Variants in DLG2 observed in about 807,000 individuals in gnomAD.
DLG2 encodes the protein disks large homolog 2.
A neutral mutation model predicts 132.5 loss-of-function variants in DLG2; 45 were observed. The observed-to-expected ratio is 0.34, with a 90% confidence interval of 0.27 to 0.44. DLG2 has a LOEUF of 0.44. Ranked by LOEUF, DLG2 falls within the 20% of genes least tolerant of loss-of-function variation. The pLI, the probability that DLG2 is intolerant of heterozygous loss-of-function variation, is 1.00. For synonymous variants in DLG2, 424 were observed against 419.6 expected, an observed-to-expected ratio of 1.01 and a Z score of -0.13; for missense variants, 1,045 against 1,196.9, an observed-to-expected ratio of 0.87 and a Z score of 1.87.
chr11:84,467,427 A>G (rs2099097400), intron 7 of DLG2, among the ~76,000 whole-genome samples: 1 of 151,466 alleles, frequency 6.6e-6, no homozygotes, highest in South Asian at 2.1e-4. Flanking sequence ...GAATTAGAAG[A>G]AGCAAGCTAG....
chr11:83,554,779 A>G (rs1451119791), intron 19 of DLG2, among the ~76,000 whole-genome samples: 1 of 152,192 alleles, frequency 6.6e-6, no homozygotes, highest in Non-Finnish European at 1.5e-5. Flanking sequence ...CCAGTTGGTA[A>G]AGCAATCAGA....
intron 18 of DLG2, among the ~76,000 whole-genome samples, chr11:83,752,069 C>A (rs1467501025): frequency 3.9e-5 from 6 of 152,084 alleles, no homozygotes. Context: ...GAGATCGAGA[C>A]CATCCTGGCT....
intron 6 of DLG2, among the ~76,000 whole-genome samples, chr11:84,575,395 C>T (rs1221519531): frequency 6.6e-6 from 1 of 152,092 alleles, no homozygotes; most frequent in Non-Finnish European, 1.5e-5. Context: ...TAGTTACCTC[C>T]TATTTATCAA....
At chr11:84,351,912 G>T (rs1028171478) in intron 7 of DLG2, among the ~76,000 whole-genome samples, 2 of 152,176 alleles carry the variant, frequency 1.3e-5, no homozygotes, top group African/African-American at 4.8e-5. Context: ...AAGAATGACA[G>T]CTCTTGGCCA....
At chr11:83,795,020 C>T (rs927704839) in intron 17 of DLG2, among the ~76,000 whole-genome samples, 1 of 152,108 alleles carries the variant, frequency 6.6e-6, no homozygotes, top group East Asian at 1.9e-4. Flanking sequence ...ATGATTAGAT[C>T]ATGTAGGGCT....
At chr11:84,433,253 A>G (rs544867038) in intron 7 of DLG2, among the ~76,000 whole-genome samples, 30 of 152,328 alleles carry the variant, frequency 2.0e-4, no homozygotes, top group Admixed American at 7.2e-4. Flanking sequence ...TAAGCAATAT[A>G]TTGCTGACGG....
At chr11:84,022,667 G>T (rs1295032356) in intron 11 of DLG2, among the ~76,000 whole-genome samples, 2 of 152,148 alleles carry the variant, frequency 1.3e-5, no homozygotes, top group African/African-American at 2.4e-5. Context: ...TGAAAGAACG[G>T]TTCTTTTTGA....
At chr11:85,059,861 T>C (rs2063857010) in intron 6 of DLG2, among the ~76,000 whole-genome samples, 1 of 151,736 alleles carries the variant, frequency 6.6e-6, no homozygotes, top group African/African-American at 2.4e-5. Flanking sequence ...TGTGAGCTTT[T>C]CTGCATTGAT....
chr11:85,534,141 C>T (rs1382759653), intron 3 of DLG2, among the ~76,000 whole-genome samples: 1 of 152,008 alleles, frequency 6.6e-6, no homozygotes, highest in Non-Finnish European at 1.5e-5. Context: ...GCAGGCGCAA[C>T]CATGCCTGGC....
At chr11:84,623,460 C>T (rs2099617249) in intron 6 of DLG2, among the ~76,000 whole-genome samples, 1 of 152,024 alleles carries the variant, frequency 6.6e-6, no homozygotes, top group African/African-American at 2.4e-5. Context: ...CACTTTATAG[C>T]TTATGGATCA....
intron 3 of DLG2, among the ~76,000 whole-genome samples, chr11:85,315,238 C>A (rs2080579205): frequency 6.6e-6 from 1 of 152,008 alleles, no homozygotes; most frequent in South Asian, 2.1e-4. Flanking sequence ...CAAGAAGTGT[C>A]CCAGGCTAGC....
intron 3 of DLG2, among the ~76,000 whole-genome samples, chr11:85,488,059 T>G (rs1206334613): frequency 6.6e-6 from 1 of 152,208 alleles, no homozygotes; most frequent in African/African-American, 2.4e-5. Context: ...TTTTTGCTTT[T>G]GCATCTTCCT....
chr11:84,786,403 T>C (rs1170668355), intron 6 of DLG2, among the ~76,000 whole-genome samples: 3 of 152,174 alleles, frequency 2.0e-5, no homozygotes, highest in Admixed American at 1.3e-4. Context: ...TAAGAAAACG[T>C]AGAAATTCTG....
At chr11:83,539,943 C>T (rs1282480573) in intron 20 of DLG2, among the ~76,000 whole-genome samples, 1 of 152,142 alleles carries the variant, frequency 6.6e-6, no homozygotes. Flanking sequence ...AATCATAGAA[C>T]CTCAGGGTTG....
intron 7 of DLG2, among the ~76,000 whole-genome samples, chr11:84,401,201 C>G (rs1321198872): frequency 6.6e-6 from 1 of 152,104 alleles, no homozygotes; most frequent in Non-Finnish European, 1.5e-5. Context: ...CCAGCTTCCC[C>G]CATAGAAGAT....
At chr11:85,573,083 A>G (rs1053498894) in intron 3 of DLG2, among the ~76,000 whole-genome samples, 1 of 152,158 alleles carries the variant, frequency 6.6e-6, no homozygotes, top group Non-Finnish European at 1.5e-5. Flanking sequence ...GCCATGTGAC[A>G]TGCCTGGTCC....
At chr11:85,499,126 C>A (rs2093735338) in intron 3 of DLG2, among the ~76,000 whole-genome samples, 1 of 151,790 alleles carries the variant, frequency 6.6e-6, no homozygotes, top group African/African-American at 2.4e-5. Context: ...AGTAGAGAAA[C>A]AAAAAACCCC....
intron 7 of DLG2, among the ~76,000 whole-genome samples, chr11:84,287,202 C>T (rs1045101937): frequency 6.6e-6 from 1 of 152,104 alleles, no homozygotes; most frequent in Non-Finnish European, 1.5e-5. Context: ...AAGCTCTGCC[C>T]ATATCCCAGA....
In DLG2 at chr11:85,305,605, C is replaced by T. The variant is rs536260193; in HGVS notation, c.41-20240G>A. On this transcript the variant is annotated intron_variant, in intron 3 of 27. Coordinates refer to ENST00000376104, the MANE Select transcript of DLG2 (RefSeq NM_001142699.3). The stretch of plus-strand genomic sequence containing the variant: ...TCGGCTCACTGCAAGCTCCGCCTCC[C>T]GGGTTTACTCCATTCTCCTGCCTCA... Among the ~76,000 whole-genome samples, 6 of 152,204 alleles carry T rather than the reference C, an allele frequency of 3.9e-5. No individual in the cohort carries two copies. In the East Asian group the frequency reaches 1.2e-3, roughly 29 times the overall value.
Sources: gnomAD v4.1 joint callset for allele counts (sites outside exome capture counted in the v4.1 genomes callset) on GRCh38, gnomAD v4.1.1 for gene constraint, MANE v1.5 for transcripts, NCBI Gene and HGNC (gene_info 2026-07-23, HGNC 2026-07-21) for gene names.